The following DCC variants were observed in gnomAD, a reference collection of about 807,000 sequenced individuals.
DCC encodes the protein netrin receptor DCC.
A neutral mutation model predicts 172.5 loss-of-function variants in DCC; 58 were observed. That is an observed-to-expected ratio of 0.34 (90% CI 0.27 to 0.42). The LOEUF (loss-of-function observed/expected upper bound fraction) is 0.42, where lower values mean the gene tolerates loss of function less well. Among genes scored for constraint, DCC ranks in the 10% least tolerant of loss-of-function variants. DCC has a pLI of 1.00. For synonymous variants in DCC, 709 were observed against 644.5 expected (o/e 1.10, Z -1.52); for missense variants, 1,740 against 1,791.0 (o/e 0.97, Z 0.51).
At chr18:53,163,322 A>T (rs2054871140) in intron 8 of DCC, among the ~76,000 whole-genome samples, 1 of 152,216 alleles carries the variant, frequency 6.6e-6, no homozygotes, top group African/African-American at 2.4e-5. Flanking sequence ...AGCTGACTAC[A>T]GTTCAATAAA....
chr18:53,455,146 A>C (rs1051891432), intron 23 of DCC, among the ~76,000 whole-genome samples: 2 of 152,140 alleles, frequency 1.3e-5, no homozygotes, highest in Admixed American at 6.6e-5. Context: ...TTCCTTCCTG[A>C]AGACTTCCCC....
chr18:52,762,403 A>G (rs8085468), intron 2 of DCC, among the ~76,000 whole-genome samples: 31,766 of 151,818 alleles, frequency 0.21, 4,728 homozygotes, highest in African/African-American at 0.42. Context: ...GAGCCAGGAG[A>G]TCAAGGCTGC....
intron 25 of DCC, among the ~76,000 whole-genome samples, chr18:53,469,599 C>A (rs1249817088): frequency 6.6e-6 from 1 of 151,918 alleles, no homozygotes; most frequent in Non-Finnish European, 1.5e-5. Flanking sequence ...TGTTGAAATC[C>A]CCTCTCACCC....
At chr18:53,341,460 A>G (rs561994895) in intron 15 of DCC, among the ~76,000 whole-genome samples, 21 of 152,344 alleles carry the variant, frequency 1.4e-4, no homozygotes, top group African/African-American at 4.8e-4. Context: ...TGGAAAATAT[A>G]TTCTAAAGAG....
chr18:53,353,777 A>G (rs1291966058), intron 15 of DCC, among the ~76,000 whole-genome samples: 1 of 150,668 alleles, frequency 6.6e-6, no homozygotes, highest in Non-Finnish European at 1.5e-5. Context: ...CTTTTTTTTT[A>G]TTTTTATTAT....
intron 12 of DCC, among the ~76,000 whole-genome samples, chr18:53,265,803 C>T (rs534564073): frequency 1.3e-5 from 2 of 152,320 alleles, no homozygotes; most frequent in Admixed American, 1.3e-4. Flanking sequence ...GAATTTCAAA[C>T]TTGGAACTCA....
chr18:53,414,493 A>T (rs1910182657), intron 20 of DCC, among the ~76,000 whole-genome samples: 1 of 152,176 alleles, frequency 6.6e-6, no homozygotes, highest in Non-Finnish European at 1.5e-5. Flanking sequence ...AAATATGGGC[A>T]GCTTTTTACT....
chr18:52,751,623 T>A (rs1352076702), intron 1 of DCC, among the ~76,000 whole-genome samples: 3 of 152,170 alleles, frequency 2.0e-5, no homozygotes, highest in Non-Finnish European at 2.9e-5. Flanking sequence ...ATTGGATTTT[T>A]TAAAAATTTC....
chr18:52,562,057 G>A (rs1198692212), intron 1 of DCC, among the ~76,000 whole-genome samples: 1 of 152,114 alleles, frequency 6.6e-6, no homozygotes, highest in Non-Finnish European at 1.5e-5. Flanking sequence ...CAGACTCTCA[G>A]GAGACTGACA....
chr18:53,389,086 A>C (rs778191116), intron 16 of DCC, among the ~76,000 whole-genome samples: 1 of 152,182 alleles, frequency 6.6e-6, no homozygotes, highest in Non-Finnish European at 1.5e-5. Flanking sequence ...ACCCATCTAA[A>C]GTTCATTTTG....
Position 53,063,599 on chromosome 18 carries a change from C to T in DCC, c.1140+140C>T, listed in dbSNP as rs1012377220. 4 of 671,688 alleles carry T rather than the reference C, an allele frequency of 6.0e-6. No individual in the cohort carries two copies. In the African/African-American group the frequency reaches 7.4e-5, roughly 12 times the overall value. 41.6% of individuals were successfully genotyped at this position (671,688 alleles called of 1,614,324 possible). On this transcript the variant is annotated intron_variant, in intron 6 of 28. Coordinates refer to ENST00000442544, the MANE Select transcript of DCC (RefSeq NM_005215.4). ...TGTTAAAAAAGTTATTCAAATAAAG[C>T]AAATGATTTTCTAGACATAAGAATA... is the stretch of plus-strand genomic sequence containing the variant.
At chr18:53,332,863 A>G in intron 14 of DCC, among the ~76,000 whole-genome samples, 1 of 152,156 alleles carries the variant, frequency 6.6e-6, no homozygotes, top group Admixed American at 6.6e-5. Context: ...AAAAATGAAT[A>G]TTCCCAGCCT....
chr18:53,061,398 C>G (rs780539182), intron 5 of DCC, among the ~76,000 whole-genome samples: 8 of 151,924 alleles, frequency 5.3e-5, no homozygotes, highest in Non-Finnish European at 8.8e-5. Flanking sequence ...TAGTCTCAAC[C>G]CAGTCAATTG....
At chr18:53,211,213 G>C (rs542818765) in intron 11 of DCC, among the ~76,000 whole-genome samples, 14 of 152,194 alleles carry the variant, frequency 9.2e-5, no homozygotes, top group African/African-American at 3.4e-4. Context: ...GGAAGGCCCT[G>C]ATCCAAGTAC....
At chr18:53,155,680 C>T (rs1332727702) in intron 7 of DCC, among the ~76,000 whole-genome samples, 1 of 152,214 alleles carries the variant, frequency 6.6e-6, no homozygotes, top group Non-Finnish European at 1.5e-5. Flanking sequence ...CTTTTCATTT[C>T]TGCTCTTAAT....
intron 2 of DCC, among the ~76,000 whole-genome samples, chr18:52,793,260 CAAAGAG>C (rs573817569): frequency 8.6e-4 from 131 of 152,266 alleles, no homozygotes; most frequent in African/African-American, 3.1e-3. Context: ...AAGTGGCTGA[CAAAGAG>C]AAGGGAAGAT....
chr18:53,526,348 C>G (rs1203776161), intron 27 of DCC, among the ~76,000 whole-genome samples: 2 of 152,078 alleles, frequency 1.3e-5, no homozygotes. Flanking sequence ...GTCCAGAGCT[C>G]CCAGGCAACT....
chr18:52,804,751 T>G (rs1037824296), intron 2 of DCC, among the ~76,000 whole-genome samples: 1 of 152,110 alleles, frequency 6.6e-6, no homozygotes, highest in African/African-American at 2.4e-5. Context: ...GCCCAGCTAA[T>G]TTTTGTATTT....
At chr18:52,428,710 T>C (rs1987523696) in intron 1 of DCC, among the ~76,000 whole-genome samples, 1 of 152,046 alleles carries the variant, frequency 6.6e-6, no homozygotes, top group Non-Finnish European at 1.5e-5. Context: ...GCCATGGAAA[T>C]TTATTATAAT....
Sources: gnomAD v4.1 joint callset for allele counts (sites outside exome capture counted in the v4.1 genomes callset) on GRCh38, gnomAD v4.1.1 for gene constraint, MANE v1.5 for transcripts, NCBI Gene and HGNC (gene_info 2026-07-23, HGNC 2026-07-21) for gene names.